CHD9: variants seen among roughly 807,000 people sequenced by gnomAD.
The protein encoded by CHD9 is chromodomain helicase DNA binding protein 9.
A neutral mutation model predicts 316.1 loss-of-function variants in CHD9; 77 were observed. The observed-to-expected ratio is 0.24, with a 90% CI of 0.20 to 0.29. CHD9 has a LOEUF of 0.29. Among genes scored for constraint, CHD9 ranks in the 10% least tolerant of loss-of-function variants. The pLI is 1.00. For synonymous variants in CHD9, 1,129 were observed against 1,158.3 expected (o/e 0.97, Z 0.51); for missense variants, 2,763 against 3,438.1 (o/e 0.80, Z 4.91).
rs546851159 is a variant in CHD9, at chr16:53,089,210, C to T, written c.-165+34133C>T. Among the ~76,000 whole-genome samples the T allele has an allele frequency of 5.3e-5, 8 of 151,696 alleles. No individual in the cohort carries two copies. In the East Asian group the frequency reaches 5.8e-4, roughly 11 times the overall value. On this transcript the variant is annotated intron_variant, in intron 1 of 38. Transcript: ENST00000447540. ...CTGAGGCAGGTGGATCACTTGAGCC[C>T]GGGAGGTCGAGACTGCAGTGAGCTA...
At chr16:53,222,830 A>G in intron 4 of CHD9, 75 bp downstream of exon 4, 1 of 689,372 alleles carries the variant, frequency 1.5e-6, no homozygotes. Context: ...CCTTATAGAT[A>G]TTTACACTTT....
intron 1 of CHD9, among the ~76,000 whole-genome samples, chr16:53,069,512 AG>A (rs1256663506): frequency 6.6e-6 from 1 of 152,212 alleles, no homozygotes; most frequent in African/African-American, 2.4e-5. Context: ...TCATCTAGGT[AG>A]AATTACACAG....
At chr16:53,203,858 C>T (rs1160359313) in intron 2 of CHD9, among the ~76,000 whole-genome samples, 7 of 151,304 alleles carry the variant, frequency 4.6e-5, no homozygotes, top group South Asian at 2.1e-4. Context: ...CCCGTCTCTA[C>T]TAAAAATACA....
At chr16:53,058,279 C>A (rs1372807205) in intron 1 of CHD9, among the ~76,000 whole-genome samples, 5 of 152,184 alleles carry the variant, frequency 3.3e-5, no homozygotes, top group African/African-American at 1.2e-4. Context: ...TGCCACCACG[C>A]CCAGCTAATT....
At chr16:53,155,560 T>A (rs1231420491) in intron 1 of CHD9, among the ~76,000 whole-genome samples, 2 of 152,190 alleles carry the variant, frequency 1.3e-5, no homozygotes, top group Non-Finnish European at 2.9e-5. Flanking sequence ...TACCATACAA[T>A]TCATTCATCT....
chr16:53,311,191 A>G (rs1806057728), intron 34 of CHD9: 1 of 151,378 alleles, frequency 6.6e-6, no homozygotes, highest in South Asian at 2.1e-4. Flanking sequence ...AAAAAAAAAA[A>G]TTGTAACACG....
chr16:53,133,732 A>G (rs2152688888), intron 1 of CHD9, among the ~76,000 whole-genome samples: 1 of 152,338 alleles, frequency 6.6e-6, no homozygotes, highest in East Asian at 1.9e-4. Context: ...CCGTGACAAG[A>G]TAAGATTAAG....
chr16:53,136,103 C>T (rs1356741795), intron 1 of CHD9, among the ~76,000 whole-genome samples: 1 of 152,042 alleles, frequency 6.6e-6, no homozygotes, highest in Non-Finnish European at 1.5e-5. Context: ...ATAGTTCAGT[C>T]ATTACTAGCT....
rs371857618 is a variant in CHD9, at chr16:53,255,584, G to T, written c.4030-16G>T. 7 of 1,599,964 alleles carry T rather than the reference G, an allele frequency of 4.4e-6. No individual in the cohort carries two copies. The highest frequency in any genetic ancestry group is 5.1e-6 in the Non-Finnish European group (6 of 1,174,902). On this transcript the variant is annotated splice_polypyrimidine_tract_variant and intron_variant, in intron 18 of 38. Coordinates refer to ENST00000447540, the MANE Select transcript of CHD9 (RefSeq NM_001308319.2). Reference sequence around the variant, plus strand: ...TTTAAAAAAAACTATTTTTATGGAAGTTAATTTCTCCTTAGATTCAGCAGC... The same window carrying T: ...TTTAAAAAAAACTATTTTTATGGAATTTAATTTCTCCTTAGATTCAGCAGC...
intron 2 of CHD9, among the ~76,000 whole-genome samples, chr16:53,183,101 C>T (rs1205088357): frequency 6.6e-6 from 1 of 152,198 alleles, no homozygotes; most frequent in African/African-American, 2.4e-5. Flanking sequence ...TCTATACTAA[C>T]ACTTGAATCA....
At position 53,078,449 on chromosome 16, in the gene CHD9, G is replaced by A. The variant is rs149590672; in HGVS notation, c.-165+23372G>A. Among the ~76,000 whole-genome samples the A allele has an allele frequency of 2.4e-3, 369 of 152,278 alleles. 3 individuals are homozygous for A. The highest frequency in any genetic ancestry group is 8.4e-3 in the African/African-American group (347 of 41,548). On this transcript the variant is annotated intron_variant, in intron 1 of 38. Coordinates refer to ENST00000447540, the MANE Select transcript of CHD9 (RefSeq NM_001308319.2). ...CACCTGATGACACAGCACAAAGGTC[G>A]TCTCAAGGTGCTGGTGGTATGCCAT... is the stretch of plus-strand genomic sequence containing the variant.
intron 1 of CHD9, among the ~76,000 whole-genome samples, chr16:53,149,834 G>A (rs1465874673): frequency 1.3e-5 from 2 of 151,430 alleles, no homozygotes; most frequent in Non-Finnish European, 2.9e-5. Flanking sequence ...TGCTGGGATT[G>A]TGGCAGGTAT....
chr16:53,101,208 A>C (rs2036845658), intron 1 of CHD9, among the ~76,000 whole-genome samples: 2 of 152,174 alleles, frequency 1.3e-5, no homozygotes, highest in Non-Finnish European at 2.9e-5. Context: ...GTTTATCATA[A>C]GATGGATAAA....
intron 21 of CHD9, 64 bp from the exon 22 acceptor site, chr16:53,267,863 A>G (rs2051847925): frequency 2.1e-6 from 3 of 1,402,114 alleles, no homozygotes; most frequent in East Asian, 2.3e-5. Flanking sequence ...CCTTTTATCT[A>G]TGAGTTAATA....
At chr16:53,092,535 C>T (rs979189914) in intron 1 of CHD9, among the ~76,000 whole-genome samples, 2 of 152,078 alleles carry the variant, frequency 1.3e-5, no homozygotes, top group Non-Finnish European at 2.9e-5. Context: ...CCCTTTTGCC[C>T]TCCTGAAGTC....
At chr16:53,149,886 C>G (rs1268053254) in intron 1 of CHD9, among the ~76,000 whole-genome samples, 1 of 151,642 alleles carries the variant, frequency 6.6e-6, no homozygotes, top group African/African-American at 2.4e-5. Flanking sequence ...TTTTTACTTA[C>G]AGTATTTTGT....
intron 1 of CHD9, among the ~76,000 whole-genome samples, chr16:53,059,550 A>T (rs1456131034): frequency 6.6e-6 from 1 of 152,204 alleles, no homozygotes; most frequent in Non-Finnish European, 1.5e-5. Context: ...GGGTGGGAGT[A>T]ATGACCATGG....
chr16:53,093,682 G>A (rs78672051), intron 1 of CHD9, among the ~76,000 whole-genome samples: 3,009 of 152,214 alleles, frequency 0.02, 109 homozygotes, highest in African/African-American at 0.069. Flanking sequence ...AGGCAAAGGC[G>A]GTATGATTGT....
chr16:53,301,281 T>TA lies in CHD9; in HGVS notation c.5714-2430dup, dbSNP rs547690139. Reference sequence around the variant, plus strand: ...AGTAGATTTCATATTAATGCTTTGTTAAAAAAAAATGTGAGTGAGGTTGAG... The same window carrying TA: ...AGTAGATTTCATATTAATGCTTTGTTAAAAAAAAAATGTGAGTGAGGTTGAG... On this transcript the variant is annotated intron_variant, in intron 30 of 38. Transcript: ENST00000447540. Among the ~76,000 whole-genome samples the TA allele has an allele frequency of 1.1e-4, 17 of 151,250 alleles. No individual in the cohort carries two copies. In the South Asian group the frequency reaches 2.7e-3, roughly 24 times the overall value.
Sources: allele counts gnomAD v4.1 joint callset (sites outside exome capture counted in the v4.1 genomes callset), GRCh38; gene constraint gnomAD v4.1.1; transcripts MANE v1.5; gene names NCBI Gene and HGNC (gene_info 2026-07-23, HGNC 2026-07-21).